ABCA3: variants seen among roughly 807,000 people sequenced by gnomAD.
ABCA3 encodes phospholipid-transporting ATPase ABCA3.
In ABCA3, 88 loss-of-function variants were observed where a neutral mutation model predicts 172.8. The ratio of observed to expected loss-of-function variants is 0.51; its 90% CI spans 0.43 to 0.61. The LOEUF (loss-of-function observed/expected upper bound fraction) is 0.61, where lower values mean the gene tolerates loss of function less well. Ranked by LOEUF, ABCA3 falls within the 20% of genes least tolerant of loss-of-function variation. ABCA3 has a pLI of 0.00. For synonymous variants in ABCA3, 1,066 were observed against 983.8 expected (o/e 1.08, Z -1.56); for missense variants, 2,164 against 2,301.0 (o/e 0.94, Z 1.22).
In ABCA3 at chr16:2,316,490, C is replaced by CAAAAAAAAAAAAAAAAAA. The variant is rs71148128; in HGVS notation, c.1111+775_1111+792dup. Among the ~76,000 whole-genome samples, 32 of 28,874 alleles carry CAAAAAAAAAAAAAAAAAA rather than the reference C, an allele frequency of 1.1e-3. 13 individuals are homozygous for CAAAAAAAAAAAAAAAAAA. The highest frequency in any genetic ancestry group is 1.8e-3 in the Non-Finnish European group (24 of 13,002). The allele number at this position is 28,874 out of a possible 152,430, so 18.9% of individuals were successfully genotyped here. A position where few individuals can be genotyped will look rare whatever the true frequency, so the allele number is the denominator to read the frequency against. On this transcript the variant is annotated intron_variant, in intron 10 of 32. Transcript: ENST00000301732. ...CAAAACCCCGTCTCTACTAAAAATG[C>CAAAAAAAAAAAAAAAAAA]AAAAAAAAAAAAAAAAAAAAAAAAA...
At chr16:2,301,057 C>A (rs958250959) in intron 12 of ABCA3, among the ~76,000 whole-genome samples, 2 of 149,908 alleles carry the variant, frequency 1.3e-5, no homozygotes, top group African/African-American at 2.5e-5. Context: ...GGTGAAACCC[C>A]GTCTCTACTA....
intron 5 of ABCA3, among the ~76,000 whole-genome samples, chr16:2,324,819 C>A (rs4786272): frequency 2.0e-5 from 3 of 152,076 alleles, no homozygotes; most frequent in Admixed American, 2.0e-4. Flanking sequence ...GGGGAGCAAA[C>A]CCACCACCCA....
At chr16:2,302,415 T>C (rs1252050229) in intron 12 of ABCA3, among the ~76,000 whole-genome samples, 1 of 152,142 alleles carries the variant, frequency 6.6e-6, no homozygotes, top group Non-Finnish European at 1.5e-5. Flanking sequence ...CAAACATATA[T>C]ATGTATTTAA....
Position 2,284,497 on chromosome 16 carries a change from C to A in ABCA3, c.3704-60G>T. On this transcript the variant is annotated intron_variant, in intron 24 of 32. Transcript: ENST00000301732. This position sits in a 1 kb window ranked among gnomAD's most constrained non-coding sequence, Gnocchi z 5.9. The stretch of plus-strand genomic sequence containing the variant: ...GGGCACACCACACCCACCTCCAGGA[C>A]GGGCCTGGTCAGGGCGGGCACAGGG... 1 of 1,604,312 alleles carries A rather than the reference C, an allele frequency of 6.2e-7. No individual in the cohort carries two copies. Among genetic ancestry groups the A allele is most frequent in the Non-Finnish European group, 8.5e-7 (1 of 1,172,782 alleles).
intron 12 of ABCA3, among the ~76,000 whole-genome samples, chr16:2,301,734 G>T (rs968850885): frequency 1.3e-5 from 2 of 151,312 alleles, no homozygotes; most frequent in African/African-American, 2.4e-5. Context: ...AAAAAGAAAT[G>T]ACCTTAACTA....
Position 2,301,001 on chromosome 16 carries a change from C to T in ABCA3, c.1468-853G>A, listed in dbSNP as rs907318329. On this transcript the variant is annotated intron_variant, in intron 12 of 32. Coordinates refer to ENST00000301732, the MANE Select transcript of ABCA3 (RefSeq NM_001089.3). ...ATCCCAGCACTTTGGGAGGCCGAGG[C>T]GGGCGGATCATGAGGTCAGGAGATC... is the stretch of plus-strand genomic sequence containing the variant. 3.9e-3 allele frequency among the ~76,000 whole-genome samples: 581 copies of T among 149,958 alleles called. 10 individuals carry two copies. The highest frequency in any genetic ancestry group is 4.9e-3 in the Non-Finnish European group (333 of 67,920).
At chr16:2,308,401 C>T (rs762524392) in intron 11 of ABCA3, 49 bp downstream of exon 11, 8 of 1,611,444 alleles carry the variant, frequency 5.0e-6, no homozygotes, top group Non-Finnish European at 5.9e-6. Flanking sequence ...TGGGTGCTCT[C>T]GAAGGTTACT....
chr16:2,325,975 C>T (rs776699781), intron 5 of ABCA3, 35 bp downstream of exon 5: 11 of 1,611,044 alleles, frequency 6.8e-6, no homozygotes, highest in Admixed American at 1.7e-5. Context: ...GGAGGCACCA[C>T]TAGGCCTGGC....
intron 10 of ABCA3, among the ~76,000 whole-genome samples, chr16:2,314,243 G>C (rs1235272976): frequency 7.1e-6 from 1 of 140,914 alleles, no homozygotes; most frequent in African/African-American, 2.6e-5. Flanking sequence ...GGATGAACAA[G>C]TAAACAAAAT....
At position 2,316,143 on chromosome 16, in the gene ABCA3, A is replaced by AG. The variant is rs1170692014; in HGVS notation, c.1111+1139_1111+1140insC. ...ACCAGTCTGGGAAACATGGTGAGAA[A>AG]AAAAAAAAAAAAAAAAAAGCTAGGT... On this transcript the variant is annotated intron_variant, in intron 10 of 32. Transcript: ENST00000301732. 4.5e-5 allele frequency among the ~76,000 whole-genome samples: 5 copies of AG among 110,536 alleles called. No homozygotes were observed. In the East Asian group the frequency reaches 2.7e-3, roughly 61 times the overall value. 72.5% of individuals were successfully genotyped at this position (110,536 alleles called of 152,430 possible). A position where few individuals can be genotyped will look rare whatever the true frequency, so the allele number is the denominator to read the frequency against.
At position 2,283,009 on chromosome 16, in the gene ABCA3, G is replaced by C. The variant is rs185195340; in HGVS notation, c.4035+177C>G. Reference sequence around the variant, plus strand: ...CTCGACAGCCCTTGTGAGTGGCGAGGGCTGTGCCCCGCCCTGGCTGTAAGT... The same window carrying C: ...CTCGACAGCCCTTGTGAGTGGCGAGCGCTGTGCCCCGCCCTGGCTGTAAGT... On this transcript the variant is annotated intron_variant, in intron 26 of 32. Coordinates refer to ENST00000301732, the MANE Select transcript of ABCA3 (RefSeq NM_001089.3). The surrounding 1 kb of genome is among the most constrained non-coding windows in gnomAD (Gnocchi z 5.4). Among the ~76,000 whole-genome samples, 1 of 152,344 alleles carries C rather than the reference G, an allele frequency of 6.6e-6. No homozygotes were observed. The highest frequency in any genetic ancestry group is 2.4e-5 in the African/African-American group (1 of 41,578).
rs201681616 is a variant in ABCA3, at chr16:2,308,552, G to A, written c.1183C>T (p.Arg395Trp). The change falls in exon 11 of 33, where the codon CGG becomes TGG. Residue 395 changes from arginine (R) to tryptophan (W), a missense_variant. Around this residue, in one of 3 missense-constraint regions of ABCA3, gnomAD observed 1,343 missense variants for 1,369.6 expected, o/e 0.98. Transcript: ENST00000301732. ...TGGCTCAGAGTCATCCAGTTGTACC[G>A]AGGGGCCACGAAGAAGTAGGGGATG... ...TYIPYFFVAP[R>W]YNWMTLSQKL... 83 of 1,614,086 alleles carry A rather than the reference G, an allele frequency of 5.1e-5. No individual in the cohort carries two copies. Among genetic ancestry groups the A allele is most frequent in the East Asian group, 8.9e-5 (4 of 44,900 alleles).
chr16:2,320,248 A>G (rs560337608), intron 7 of ABCA3, among the ~76,000 whole-genome samples: 25 of 151,446 alleles, frequency 1.7e-4, no homozygotes, highest in African/African-American at 5.6e-4. Context: ...ACAGGTGCAC[A>G]CCACCATGCC....
intron 20 of ABCA3, among the ~76,000 whole-genome samples, chr16:2,288,531 C>A (rs2093666767): frequency 6.6e-6 from 1 of 152,184 alleles, no homozygotes; most frequent in African/African-American, 2.4e-5. Flanking sequence ...GCAGACTCTG[C>A]AGGTCTCCAT....
chr16:2,316,632 C>G (rs571949954), intron 10 of ABCA3, among the ~76,000 whole-genome samples: 1 of 148,012 alleles, frequency 6.8e-6, no homozygotes, highest in Non-Finnish European at 1.5e-5. Flanking sequence ...GAGCCAAGAT[C>G]GCACTAATGC....
intron 12 of ABCA3, among the ~76,000 whole-genome samples, chr16:2,303,729 C>A (rs904493891): frequency 6.6e-6 from 1 of 152,164 alleles, no homozygotes; most frequent in African/African-American, 2.4e-5. Context: ...TCTCTGCACC[C>A]CTCTGTCTCA....
Position 2,288,221 on chromosome 16 carries a change from C to T in ABCA3, c.2809G>A (p.Val937Ile), listed in dbSNP as rs376036997. Residue 937 changes from valine (V) to isoleucine (I), a missense_variant, in exon 21 of 33, where the codon GTC (valine) becomes ATC (isoleucine). This residue lies in a region of ABCA3 where 1,343 missense variants were observed against 1,369.6 expected (regional missense o/e 0.98). Transcript: ENST00000301732. The stretch of plus-strand genomic sequence containing the variant: ...TTGATGGCCAGGAGGGCCAGGGTGA[C>T]GCAGGTCAGAGGCACCAGGACCTGT... ...AAQVLVPLTC[V>I]TLALLAINYS... 1.4e-5 allele frequency: 23 copies of T among 1,597,904 alleles called. No homozygotes were observed. Among genetic ancestry groups the T allele is most frequent in the African/African-American group, 1.3e-4 (10 of 74,760 alleles).
chr16:2,286,751 A>G lies in ABCA3; in HGVS notation c.3221T>C (p.Val1074Ala), dbSNP rs753382200. ...LLCGPHASIVVSNFPQPRSAL... is the reference protein window; with the variant it reads ...LLCGPHASIVASNFPQPRSAL... The stretch of plus-strand genomic sequence containing the variant: ...GCTCCGGGGCTGGGGGAAGTTGGAG[A>G]CCACAATGGAGGCGTGAGGCCCGCA... Residue 1074 changes from valine (V) to alanine (A), a missense_variant, in exon 22 of 33, where the codon GTC (valine) becomes GCC (alanine). Val to Ala is a moderately conservative substitution (Grantham distance 64, BLOSUM62 0). This residue lies in a region of ABCA3 where 795 missense variants were observed against 881.9 expected (regional missense o/e 0.90). Transcript: ENST00000301732. This position sits in a 1 kb window ranked among gnomAD's most constrained non-coding sequence, Gnocchi z 5.2. 1 of 1,613,864 alleles carries G rather than the reference A, an allele frequency of 6.2e-7. No homozygotes were observed. Among genetic ancestry groups the G allele is most frequent in the Non-Finnish European group, 8.5e-7 (1 of 1,179,930 alleles).
At chr16:2,318,865 C>T (rs942137150) in intron 8 of ABCA3, among the ~76,000 whole-genome samples, 1 of 152,124 alleles carries the variant, frequency 6.6e-6, no homozygotes, top group Non-Finnish European at 1.5e-5. Flanking sequence ...AAGAGGAGCA[C>T]AATGGTCTCT....
Sources: allele counts gnomAD v4.1 joint callset (sites outside exome capture counted in the v4.1 genomes callset), GRCh38; gene constraint gnomAD v4.1.1; regional missense constraint gnomAD v4.1.1; non-coding constraint Gnocchi (gnomAD v3.1); transcripts MANE v1.5; gene names NCBI Gene and HGNC (gene_info 2026-07-23, HGNC 2026-07-21).